Variants in MYO1D observed in about 807,000 individuals in gnomAD.
MYO1D encodes the protein unconventional myosin-Id.
A neutral mutation model predicts 122.0 loss-of-function variants in MYO1D; 83 were observed. That is an observed-to-expected ratio of 0.68 (90% CI 0.57 to 0.82). The LOEUF (loss-of-function observed/expected upper bound fraction) is 0.82. MYO1D is among the 40% of genes least tolerant of loss of function. MYO1D has a pLI of 0.00. For synonymous variants in MYO1D, 464 were observed against 446.9 expected (o/e 1.04, Z -0.48); for missense variants, 1,157 against 1,269.5 (o/e 0.91, Z 1.35).
intron 1 of MYO1D, among the ~76,000 whole-genome samples, chr17:32,869,659 TATGGAGATCACTAAATA>T (rs1190642639): frequency 6.6e-6 from 1 of 152,238 alleles, no homozygotes; most frequent in Non-Finnish European, 1.5e-5. Flanking sequence ...ATAGAGCTAA[TATGGAGATCACTAAATA>T]AACACATTTC....
chr17:32,613,689 G>A (rs890149919), intron 20 of MYO1D, among the ~76,000 whole-genome samples: 16 of 145,838 alleles, frequency 1.1e-4, no homozygotes, highest in African/African-American at 3.3e-4. Flanking sequence ...CAGGAGAATC[G>A]CATGAACCAG....
chr17:32,665,671 TTTTCCTGTTTGTCTTAGTCTTGGC>T (rs2088626750), intron 16 of MYO1D, among the ~76,000 whole-genome samples: 1 of 152,224 alleles, frequency 6.6e-6, no homozygotes, highest in African/African-American at 2.4e-5. Flanking sequence ...AAATCCCCAG[TTTTCCTGTTTGTCTTAGTCTTGGC>T]CTTGCCCAAG....
intron 21 of MYO1D, among the ~76,000 whole-genome samples, chr17:32,513,955 T>C (rs1009511229): frequency 4.6e-5 from 7 of 151,632 alleles, no homozygotes; most frequent in Admixed American, 4.6e-4. Flanking sequence ...ATTAAAAAAA[T>C]TTTTTTGGCC....
intron 21 of MYO1D, among the ~76,000 whole-genome samples, chr17:32,523,037 G>A (rs186302736): frequency 3.9e-5 from 6 of 152,232 alleles, no homozygotes; most frequent in East Asian, 1.9e-4. Context: ...GGATGGTCTC[G>A]ATCTCCTGAC....
rs536566406 is a variant in MYO1D, at chr17:32,795,789, A to G, written c.96-15005T>C. 2.0e-3 allele frequency among the ~76,000 whole-genome samples: 305 copies of G among 152,266 alleles called. 3 individuals are homozygous for G. The highest frequency in any genetic ancestry group is 7.1e-3 in the African/African-American group (296 of 41,548). Reference sequence around the variant, plus strand: ...GACAAGTACTCCTAAAGACTGAGAAAGAGGCCATCCGGGTACAACATAGCA... The same window carrying G: ...GACAAGTACTCCTAAAGACTGAGAAGGAGGCCATCCGGGTACAACATAGCA... On this transcript the variant is annotated intron_variant, in intron 1 of 21. Transcript: ENST00000318217.
chr17:32,768,381 C>T (rs2090081652), intron 6 of MYO1D, among the ~76,000 whole-genome samples: 1 of 152,188 alleles, frequency 6.6e-6, no homozygotes, highest in Non-Finnish European at 1.5e-5. Context: ...AATCGCCTGC[C>T]CTTTTAGAGC....
intron 21 of MYO1D, among the ~76,000 whole-genome samples, chr17:32,503,929 G>C (rs1425328386): frequency 2.6e-5 from 4 of 152,116 alleles, no homozygotes; most frequent in Non-Finnish European, 5.9e-5. Flanking sequence ...TTTATGTCAG[G>C]GTCGAATGGA....
At chr17:32,667,565 T>C (rs1232137972) in intron 16 of MYO1D, among the ~76,000 whole-genome samples, 1 of 152,174 alleles carries the variant, frequency 6.6e-6, no homozygotes, top group Non-Finnish European at 1.5e-5. Flanking sequence ...GTAAAAATCA[T>C]TAAAATGAAG....
intron 21 of MYO1D, among the ~76,000 whole-genome samples, chr17:32,576,944 T>C (rs1481253427): frequency 6.6e-6 from 1 of 152,180 alleles, no homozygotes; most frequent in Non-Finnish European, 1.5e-5. Context: ...CCTCCCAAAG[T>C]GCTAGGATTA....
chr17:32,496,976 G>A (rs17733169), intron 21 of MYO1D: 5,742 of 152,312 alleles, frequency 0.038, 139 homozygotes, highest in Non-Finnish European at 0.059. Flanking sequence ...TCAGACAATC[G>A]GGGCATGCTC....
chr17:32,737,833 T>C (rs1469546161), intron 14 of MYO1D, among the ~76,000 whole-genome samples: 1 of 152,252 alleles, frequency 6.6e-6, no homozygotes, highest in East Asian at 1.9e-4. Context: ...AAATTTCCTC[T>C]TAAAACTCTC....
chr17:32,738,907 T>C (rs898641799), intron 13 of MYO1D, among the ~76,000 whole-genome samples: 5 of 152,202 alleles, frequency 3.3e-5, no homozygotes, highest in South Asian at 2.1e-4. Flanking sequence ...CATTTTTATA[T>C]TGTCCCTCGT....
At chr17:32,587,799 G>A (rs2087403939) in intron 21 of MYO1D, among the ~76,000 whole-genome samples, 1 of 152,142 alleles carries the variant, frequency 6.6e-6, no homozygotes, top group Non-Finnish European at 1.5e-5. Flanking sequence ...CGGCCCAGAT[G>A]CACTGGGCAC....
intron 1 of MYO1D, among the ~76,000 whole-genome samples, chr17:32,871,853 T>C (rs970428442): frequency 6.6e-6 from 1 of 152,256 alleles, no homozygotes; most frequent in South Asian, 2.1e-4. Context: ...CTGATGTTAA[T>C]GCTGGAAGAA....
Position 32,721,169 on chromosome 17 carries a change from G to A in MYO1D, c.1767C>T (p.Cys589=), listed in dbSNP as rs1598039196. 6.2e-7 allele frequency: 1 copy of A among 1,613,736 alleles called. No homozygotes were observed. The highest frequency in any genetic ancestry group is 8.5e-7 in the Non-Finnish European group (1 of 1,179,830). ...LASKEPYYVR[C]IKPNDKKSPQ... is the part of the protein sequence containing the mutation. ...GAGATTTCTTGTCATTGGGTTTGAT[G>A]CAACGAACGTAATATGGTTCCTAAA... Residue 589 remains cysteine, a synonymous_variant, in exon 15 of 22, where the codon TGC becomes TGT. Transcript: ENST00000318217.
At chr17:32,526,795 G>T (rs1465801572) in intron 21 of MYO1D, among the ~76,000 whole-genome samples, 2 of 152,188 alleles carry the variant, frequency 1.3e-5, no homozygotes, top group African/African-American at 2.4e-5. Flanking sequence ...TGGGACTAGA[G>T]GCGTGAGCTA....
intron 20 of MYO1D, among the ~76,000 whole-genome samples, chr17:32,622,003 G>A (rs564431033): frequency 9.2e-5 from 14 of 152,270 alleles, no homozygotes; most frequent in African/African-American, 2.9e-4. Flanking sequence ...GATTCCTGTT[G>A]TTTAAGCCAC....
Position 32,605,128 on chromosome 17 carries a change from T to C in MYO1D, c.2823A>G (p.Arg941=). ...LFSKQPTHES[R]IGELVGVLVN... ...CCAGCACTCCAACAAGTTCTCCAAT[T>C]CGACTCTCATGGGTTGGCTGTTTGC... Residue 941 remains arginine (R), a synonymous_variant, in exon 21 of 22, where the codon CGA becomes CGG. Transcript: ENST00000318217. 6.2e-7 allele frequency: 1 copy of C among 1,605,488 alleles called. No homozygotes were observed.
At chr17:32,785,231 T>A (rs1361891275) in intron 1 of MYO1D, among the ~76,000 whole-genome samples, 1 of 152,210 alleles carries the variant, frequency 6.6e-6, no homozygotes. Context: ...AGCGTCTAAG[T>A]TAGATTCACC....
Sources: gnomAD v4.1 joint callset for allele counts (sites outside exome capture counted in the v4.1 genomes callset) on GRCh38, gnomAD v4.1.1 for gene constraint, MANE v1.5 for transcripts, NCBI Gene and HGNC (gene_info 2026-07-23, HGNC 2026-07-21) for gene names.